The following SRGAP2C variants were observed in gnomAD, a reference collection of about 807,000 sequenced individuals.
SRGAP2C encodes SLIT-ROBO Rho GTPase activating protein 2C, also known as SLIT-ROBO Rho GTPase-activating protein 2C.
In SRGAP2C, 15 loss-of-function variants were observed where a neutral mutation model predicts 25.1. The observed-to-expected ratio is 0.60, with a 90% confidence interval of 0.40 to 0.92. SRGAP2C has a LOEUF of 0.92. Ranked by LOEUF, SRGAP2C falls within the 40% of genes least tolerant of loss-of-function variation. SRGAP2C has a pLI of 0.00. For synonymous variants in SRGAP2C, 44 were observed against 96.6 expected (o/e 0.46, Z 3.19); for missense variants, 144 against 264.4 (o/e 0.54, Z 3.16).
At chr1:121,359,623 A>G (rs1407445178) in intron 4 of SRGAP2C, among the ~76,000 whole-genome samples, 4 of 152,172 alleles carry the variant, frequency 2.6e-5, no homozygotes, top group Non-Finnish European at 5.9e-5. Context: ...ACAAAAATTA[A>G]CCAGCGTGTT....
At chr1:121,322,381 A>AT (rs1240189407) in intron 3 of SRGAP2C, among the ~76,000 whole-genome samples, 1 of 142,750 alleles carries the variant, frequency 7.0e-6, no homozygotes, top group African/African-American at 2.7e-5. Flanking sequence ...GTGTTCAAAT[A>AT]TCTTACCATT....
intron 4 of SRGAP2C, among the ~76,000 whole-genome samples, chr1:121,352,998 G>T (rs1553346485): frequency 1.3e-5 from 2 of 150,726 alleles, no homozygotes; most frequent in Admixed American, 1.3e-4. Context: ...GCTGAGGCAG[G>T]AGAATGGCGT....
At chr1:121,305,233 G>T (rs1406137131) in intron 3 of SRGAP2C, among the ~76,000 whole-genome samples, 70 of 151,886 alleles carry the variant, frequency 4.6e-4, no homozygotes, top group African/African-American at 1.6e-3. Flanking sequence ...CATCTGCTCA[G>T]CTGTAGGCCA....
intron 3 of SRGAP2C, among the ~76,000 whole-genome samples, chr1:121,287,917 G>A (rs1433131839): frequency 6.6e-6 from 1 of 151,930 alleles, no homozygotes; most frequent in Non-Finnish European, 1.5e-5. Flanking sequence ...GGGCTCAGGA[G>A]TGAAGCTGCA....
At chr1:121,208,717 T>C (rs1655177272) in intron 2 of SRGAP2C, among the ~76,000 whole-genome samples, 1 of 151,692 alleles carries the variant, frequency 6.6e-6, no homozygotes, top group Admixed American at 6.6e-5. Flanking sequence ...TGTTTCTGTT[T>C]ATCGTTGTTT....
At chr1:121,285,433 C>T (rs1290421259) in intron 3 of SRGAP2C, among the ~76,000 whole-genome samples, 1 of 145,384 alleles carries the variant, frequency 6.9e-6, no homozygotes, top group East Asian at 3.0e-4. Flanking sequence ...CACTCACACT[C>T]ACACACCCCT....
At chr1:121,368,095 AGG>A (rs1659385278) in intron 5 of SRGAP2C, among the ~76,000 whole-genome samples, 1 of 97,184 alleles carries the variant, frequency 1.0e-5, no homozygotes, top group Admixed American at 1.1e-4. Flanking sequence ...AAAAAGAAAA[AGG>A]AAAAAAAGAG....
At chr1:121,295,251 G>A (rs1239194567) in intron 3 of SRGAP2C, among the ~76,000 whole-genome samples, 4 of 146,530 alleles carry the variant, frequency 2.7e-5, no homozygotes, top group Non-Finnish European at 4.5e-5. Context: ...ATTGTGGAGG[G>A]CCTTGACTCT....
chr1:121,366,022 T>C (rs1659311163), intron 5 of SRGAP2C, among the ~76,000 whole-genome samples: 2 of 141,288 alleles, frequency 1.4e-5, no homozygotes, highest in South Asian at 4.6e-4. Flanking sequence ...AGAGAGGTGG[T>C]GGTGGTGGTT....
intron 2 of SRGAP2C, among the ~76,000 whole-genome samples, chr1:121,230,821 A>T (rs1655797297): frequency 6.6e-6 from 1 of 152,314 alleles, no homozygotes. Context: ...TAAAGAAAAT[A>T]TGGCACATAA....
At chr1:121,339,365 C>T (rs1210880299) in intron 4 of SRGAP2C, among the ~76,000 whole-genome samples, 1 of 151,168 alleles carries the variant, frequency 6.6e-6, no homozygotes, top group African/African-American at 2.4e-5. Context: ...GATTCTCGTG[C>T]CTCAGCCTCC....
At chr1:121,285,404 T>TCTCTCACACACACACACACACA (rs1553336851) in intron 3 of SRGAP2C, among the ~76,000 whole-genome samples, 3 of 124,556 alleles carry the variant, frequency 2.4e-5, no homozygotes, top group African/African-American at 8.8e-5. Context: ...TCTCTCTCTC[T>TCTCTCACACACACACACACACA]CACACACACA....
chr1:121,269,908 T>A lies in SRGAP2C; in HGVS notation c.68-14895T>A, dbSNP rs1382256011. On this transcript the variant is annotated intron_variant, in intron 2 of 9. Coordinates refer to ENST00000367123, the MANE Select transcript of SRGAP2C (RefSeq NM_001329984.2). ...GGTAATTCGTGTTTTTAAACTTCCT[T>A]GCACTACTCTTCCTATCTCTCAATT... Among the ~76,000 whole-genome samples, 2 of 151,208 alleles carry A rather than the reference T, an allele frequency of 1.3e-5. 1 individual carries two copies. Among genetic ancestry groups the A allele is most frequent in the South Asian group, 4.2e-4 (2 of 4,786 alleles).
chr1:121,199,755 A>G (rs1332421528), intron 2 of SRGAP2C, among the ~76,000 whole-genome samples: 1 of 144,676 alleles, frequency 6.9e-6, no homozygotes, highest in Non-Finnish European at 1.5e-5. Flanking sequence ...AGATCACACC[A>G]TTGCACTCCA....
rs1407952663 is a variant in SRGAP2C at position 121,390,915 on chromosome 1, C to T, written c.*3060C>T. 1.1e-4 allele frequency: 16 copies of T among 144,174 alleles called. No individual in the cohort carries two copies. Among genetic ancestry groups the T allele is most frequent in the African/African-American group, 4.1e-4 (16 of 38,644 alleles). The allele number at this position is 144,174 out of a possible 1,614,324, so 8.9% of individuals were successfully genotyped here. A position where few individuals can be genotyped will look rare whatever the true frequency, so the allele number is the denominator to read the frequency against. ...AATTAGCTGGGTGTGGTGGCAGGCGCCTGTAATCCCAGCTACTCAGGAGGC... is the reference window on the plus strand; with the variant it reads ...AATTAGCTGGGTGTGGTGGCAGGCGTCTGTAATCCCAGCTACTCAGGAGGC... On this transcript the variant is annotated 3_prime_UTR_variant, in exon 10 of 10. Coordinates refer to ENST00000367123, the MANE Select transcript of SRGAP2C (RefSeq NM_001329984.2).
At chr1:121,201,439 G>A (rs1654974190) in intron 2 of SRGAP2C, among the ~76,000 whole-genome samples, 1 of 150,720 alleles carries the variant, frequency 6.6e-6, no homozygotes, top group South Asian at 2.1e-4. Flanking sequence ...GGGACTGCCA[G>A]TCCAGAAAGG....
In SRGAP2C at chr1:121,207,697, A is replaced by G. The variant is rs1259086079; in HGVS notation, c.67+20184A>G. On this transcript the variant is annotated intron_variant, in intron 2 of 9. Transcript: ENST00000367123. ...AGGCTAAAACCATTTATAGGAAATT[A>G]TATTTCAGATATTGGCAGTTGAACT... Among the ~76,000 whole-genome samples the G allele has an allele frequency of 2.0e-5, 3 of 152,200 alleles. No individual in the cohort carries two copies. In the East Asian group the frequency reaches 5.8e-4, roughly 29 times the overall value.
chr1:121,204,168 G>C (rs1372016582), intron 2 of SRGAP2C, among the ~76,000 whole-genome samples: 5 of 143,666 alleles, frequency 3.5e-5, no homozygotes, highest in Admixed American at 1.4e-4. Flanking sequence ...AAAAAAAAAA[G>C]ATGGAGGTAG....
At chr1:121,295,779 T>A (rs1401946609) in intron 3 of SRGAP2C, among the ~76,000 whole-genome samples, 2 of 151,998 alleles carry the variant, frequency 1.3e-5, no homozygotes, top group Non-Finnish European at 2.9e-5. Flanking sequence ...GGTTTTTTTT[T>A]AGATGGAGTT....
Sources: gnomAD v4.1 joint callset for allele counts (sites outside exome capture counted in the v4.1 genomes callset) on GRCh38, gnomAD v4.1.1 for gene constraint, MANE v1.5 for transcripts, NCBI Gene and HGNC (gene_info 2026-07-23, HGNC 2026-07-21) for gene names.